Variants in PRKCB observed in about 807,000 individuals in gnomAD.
The protein encoded by PRKCB is protein kinase C beta.
Under a neutral mutation model 81.5 loss-of-function variants are expected in PRKCB, and 13 were observed. The ratio of observed to expected loss-of-function variants is 0.16; its 90% CI spans 0.10 to 0.25. The LOEUF (loss-of-function observed/expected upper bound fraction) is 0.25, where lower values mean the gene tolerates loss of function less well. PRKCB is among the 10% of genes least tolerant of loss of function. PRKCB has a pLI of 1.00. For missense variants in PRKCB, 509 were observed against 875.7 expected (o/e 0.58, Z 5.29); for synonymous variants, 335 against 321.4 (o/e 1.04, Z -0.45).
chr16:24,004,905 T>G (rs1965096854), intron 3 of PRKCB, among the ~76,000 whole-genome samples: 1 of 152,208 alleles, frequency 6.6e-6, no homozygotes, highest in Admixed American at 6.5e-5. Flanking sequence ...AGAGTGATAT[T>G]CATTGCATCA....
At chr16:24,016,685 A>C (rs986018701) in intron 3 of PRKCB, among the ~76,000 whole-genome samples, 1 of 152,200 alleles carries the variant, frequency 6.6e-6, no homozygotes, top group Non-Finnish European at 1.5e-5. Context: ...TATGGGGGAA[A>C]AAATCTTTTC....
chr16:24,061,258 G>T lies in PRKCB; in HGVS notation c.529+25711G>T, dbSNP rs191050046. Among the ~76,000 whole-genome samples the T allele has an allele frequency of 6.0e-4, 91 of 152,148 alleles. 1 individual carries two copies. Among genetic ancestry groups the T allele is most frequent in the African/African-American group, 2.1e-3 (88 of 41,514 alleles). On this transcript the variant is annotated intron_variant, in intron 5 of 16. Transcript: ENST00000643927. ...GTATTTTTAGTAGAGACGGGGTTTTGCCATGTTGGCCAGGCTGATCTCAAA... is the reference window on the plus strand; with the variant it reads ...GTATTTTTAGTAGAGACGGGGTTTTTCCATGTTGGCCAGGCTGATCTCAAA...
chr16:23,844,568 G>T (rs1278087302), intron 2 of PRKCB, among the ~76,000 whole-genome samples: 1 of 150,504 alleles, frequency 6.6e-6, no homozygotes, highest in African/African-American at 2.5e-5. Flanking sequence ...GTGCAGTGGT[G>T]CAATCTTTGG....
At chr16:23,963,332 G>A (rs567570032) in intron 2 of PRKCB, 6 of 152,234 alleles carry the variant, frequency 3.9e-5, no homozygotes, top group African/African-American at 1.2e-4. Flanking sequence ...CCTGGAACAC[G>A]GTAAGCGTTC....
chr16:23,921,144 A>T (rs896051049), intron 2 of PRKCB, among the ~76,000 whole-genome samples: 1 of 152,182 alleles, frequency 6.6e-6, no homozygotes, highest in Non-Finnish European at 1.5e-5. Context: ...ACATGCAGGG[A>T]TTATTACAAT....
At chr16:23,890,057 A>G (rs528916884) in intron 2 of PRKCB, among the ~76,000 whole-genome samples, 1 of 152,260 alleles carries the variant, frequency 6.6e-6, no homozygotes. Flanking sequence ...TACACATAGT[A>G]GACACTCAGC....
At chr16:23,850,553 C>T (rs749097038) in intron 2 of PRKCB, among the ~76,000 whole-genome samples, 23 of 152,038 alleles carry the variant, frequency 1.5e-4, no homozygotes, top group South Asian at 6.2e-4. Context: ...TTGCTAGAGA[C>T]GGGGTTTCAC....
chr16:23,885,935 G>A (rs1333208314), intron 2 of PRKCB, among the ~76,000 whole-genome samples: 10 of 152,168 alleles, frequency 6.6e-5, no homozygotes, highest in Admixed American at 6.5e-4. Context: ...GAGGTTTGAG[G>A]ATTGTGATAC....
chr16:24,052,597 C>T (rs1042206290), intron 5 of PRKCB, among the ~76,000 whole-genome samples: 4 of 152,132 alleles, frequency 2.6e-5, no homozygotes, highest in Non-Finnish European at 5.9e-5. Flanking sequence ...ACTGAGGATT[C>T]CTCCTCTTTT....
chr16:23,914,089 A>G (rs1380781283), intron 2 of PRKCB, among the ~76,000 whole-genome samples: 1 of 152,086 alleles, frequency 6.6e-6, no homozygotes, highest in East Asian at 1.9e-4. Flanking sequence ...TGCAGCCTCA[A>G]ATTCCCAGGC....
chr16:23,921,459 G>A lies in PRKCB; in HGVS notation c.206-67049G>A, dbSNP rs558206502. Among the ~76,000 whole-genome samples, 7 of 152,220 alleles carry A rather than the reference G, an allele frequency of 4.6e-5. No homozygotes were observed. In the East Asian group the frequency reaches 5.8e-4, roughly 13 times the overall value. On this transcript the variant is annotated intron_variant, in intron 2 of 16. Transcript: ENST00000643927. ...GGTCTCGTGAGGAGACAGCCTGATC[G>A]TTATAAACTATTATAGAAAATGGGA... is the stretch of plus-strand genomic sequence containing the variant.
At chr16:24,158,693 C>G (rs1264716046) in intron 10 of PRKCB, among the ~76,000 whole-genome samples, 2 of 151,758 alleles carry the variant, frequency 1.3e-5, no homozygotes, top group African/African-American at 4.8e-5. Context: ...GGGTCTTGCT[C>G]TGTGGCCCAG....
chr16:24,197,319 C>T (rs530714455), intron 16 of PRKCB, among the ~76,000 whole-genome samples: 25 of 152,016 alleles, frequency 1.6e-4, no homozygotes, highest in African/African-American at 3.9e-4. Flanking sequence ...GAGAAAATGA[C>T]GTTTCAGCAA....
At chr16:23,855,229 CA>C (rs1368980842) in intron 2 of PRKCB, among the ~76,000 whole-genome samples, 4 of 152,200 alleles carry the variant, frequency 2.6e-5, no homozygotes, top group African/African-American at 9.6e-5. Context: ...AGTGTGATCA[CA>C]GAGCTGTGAT....
intron 5 of PRKCB, among the ~76,000 whole-genome samples, chr16:24,077,107 G>A (rs12930629): frequency 0.18 from 27,597 of 151,920 alleles, 5,316 homozygotes; most frequent in African/African-American, 0.49. Context: ...CCCTGTTCCA[G>A]TACTGAGCAC....
intron 2 of PRKCB, among the ~76,000 whole-genome samples, chr16:23,857,110 G>T (rs940094917): frequency 2.4e-4 from 37 of 152,062 alleles, no homozygotes; most frequent in African/African-American, 8.2e-4. Flanking sequence ...TCATCTTTCA[G>T]CTTTAACATA....
intron 5 of PRKCB, among the ~76,000 whole-genome samples, chr16:24,064,728 G>A (rs1966011499): frequency 6.6e-6 from 1 of 151,394 alleles, no homozygotes; most frequent in Admixed American, 6.6e-5. Flanking sequence ...TCAATTTTTG[G>A]TTTGTATATT....
At chr16:23,847,058 T>A (rs1281448620) in intron 2 of PRKCB, among the ~76,000 whole-genome samples, 1 of 152,114 alleles carries the variant, frequency 6.6e-6, no homozygotes, top group Non-Finnish European at 1.5e-5. Context: ...CTATGGGTCT[T>A]GGAACTGGCT....
At chr16:24,097,077 C>A (rs1966455793) in intron 7 of PRKCB, among the ~76,000 whole-genome samples, 1 of 133,674 alleles carries the variant, frequency 7.5e-6, no homozygotes. Flanking sequence ...TGCTCTGTCA[C>A]CCAGGCTGGA....
Sources: allele counts gnomAD v4.1 joint callset (sites outside exome capture counted in the v4.1 genomes callset), GRCh38; gene constraint gnomAD v4.1.1; transcripts MANE v1.5; gene names NCBI Gene and HGNC (gene_info 2026-07-23, HGNC 2026-07-21).